The following SEPTIN11 variants were observed in gnomAD, a reference collection of about 807,000 sequenced individuals.
SEPTIN11 encodes the protein septin 11.
In SEPTIN11, 25 loss-of-function variants were observed where a neutral mutation model predicts 51.4. The observed-to-expected ratio is 0.49, with a 90% CI of 0.35 to 0.68. The LOEUF (loss-of-function observed/expected upper bound fraction) is 0.68. Among genes scored for constraint, SEPTIN11 ranks in the 30% least tolerant of loss-of-function variants. The pLI, the probability that SEPTIN11 is intolerant of heterozygous loss-of-function variation, is 0.00. For missense variants in SEPTIN11, 381 were observed against 520.8 expected (o/e 0.73, Z 2.61); for synonymous variants, 174 against 184.1 (o/e 0.95, Z 0.44).
At chr4:76,999,885 C>T (rs1724004961) in intron 2 of SEPTIN11, among the ~76,000 whole-genome samples, 1 of 152,200 alleles carries the variant, frequency 6.6e-6, no homozygotes, top group Non-Finnish European at 1.5e-5. Context: ...ACACCTAAAT[C>T]ACTCCTGAAG....
intron 1 of SEPTIN11, among the ~76,000 whole-genome samples, chr4:76,957,585 C>G (rs1721617717): frequency 6.6e-6 from 1 of 152,284 alleles, no homozygotes; most frequent in Non-Finnish European, 1.5e-5. Flanking sequence ...AGTTGGTTAT[C>G]TGAGGAAAAT....
At position 76,980,651 on chromosome 4, in the gene SEPTIN11, A is replaced by G. The variant is rs993885981; in HGVS notation, c.28-15774A>G. 5.9e-5 allele frequency among the ~76,000 whole-genome samples: 9 copies of G among 152,258 alleles called. No individual in the cohort carries two copies. In the South Asian group the frequency reaches 1.9e-3, roughly 32 times the overall value. On this transcript the variant is annotated intron_variant, in intron 1 of 9. Transcript: ENST00000264893. ...GGATTTGAGGCTTGGATTTTTCTCA[A>G]ATTCAAATGGGAAAGTAGTTCTTGT...
intron 7 of SEPTIN11, among the ~76,000 whole-genome samples, chr4:77,022,800 G>T (rs1310823944): frequency 6.6e-6 from 1 of 152,160 alleles, no homozygotes; most frequent in African/African-American, 2.4e-5. Flanking sequence ...TTCAACTCAG[G>T]AATCTGTGGA....
At chr4:77,032,998 T>G (rs982006213) in intron 9 of SEPTIN11, among the ~76,000 whole-genome samples, 1 of 152,186 alleles carries the variant, frequency 6.6e-6, no homozygotes, top group African/African-American at 2.4e-5. Context: ...TCTCATTTAT[T>G]TTGAAGGATA....
intron 7 of SEPTIN11, 75 bp downstream of exon 7, chr4:77,020,745 T>G: frequency 7.2e-7 from 1 of 1,382,956 alleles, no homozygotes; most frequent in Non-Finnish European, 9.9e-7. Context: ...ACAGAAATGC[T>G]TGCTGGATTG....
At chr4:76,986,262 T>A (rs1039241325) in intron 1 of SEPTIN11, among the ~76,000 whole-genome samples, 1 of 151,990 alleles carries the variant, frequency 6.6e-6, no homozygotes, top group Non-Finnish European at 1.5e-5. Context: ...TGCTGCTATT[T>A]GGCGTGAAAA....
intron 1 of SEPTIN11, among the ~76,000 whole-genome samples, chr4:76,955,523 A>T (rs1721523662): frequency 6.6e-6 from 1 of 152,234 alleles, no homozygotes; most frequent in East Asian, 1.9e-4. Context: ...TCAGTTGTGC[A>T]GTGCATTCTT....
At chr4:77,002,417 A>G (rs1466681552) in intron 2 of SEPTIN11, among the ~76,000 whole-genome samples, 1 of 152,244 alleles carries the variant, frequency 6.6e-6, no homozygotes, top group East Asian at 1.9e-4. Context: ...TTCTTAGGGA[A>G]GAAGATGAAA....
At position 77,038,003 on chromosome 4, in the gene SEPTIN11, G is replaced by A. The variant is rs573846436; in HGVS notation, c.*3491G>A. On this transcript the variant is annotated 3_prime_UTR_variant, in exon 10 of 10. Transcript: ENST00000264893. ...GACTGTTTCACATACAAACTATTGG[G>A]TGAGGTTTTTCAGCTGTTACCGACC... 286 of 985,810 alleles carry A rather than the reference G, an allele frequency of 2.9e-4. 1 individual carries two copies. The South Asian group carries it at 5.9e-3, about 20-fold the overall frequency. 61.1% of individuals were successfully genotyped at this position (985,810 alleles called of 1,614,324 possible). A position where few individuals can be genotyped will look rare whatever the true frequency, so the allele number is the denominator to read the frequency against.
intron 1 of SEPTIN11, among the ~76,000 whole-genome samples, chr4:76,974,315 C>T (rs1009942291): frequency 2.6e-5 from 4 of 152,158 alleles, no homozygotes; most frequent in Admixed American, 1.3e-4. Flanking sequence ...ATTTAAAGGT[C>T]AGTGACTCAT....
intron 1 of SEPTIN11, among the ~76,000 whole-genome samples, chr4:76,980,907 G>A (rs1392920418): frequency 1.3e-5 from 2 of 152,166 alleles, no homozygotes; most frequent in East Asian, 3.9e-4. Context: ...CTCTTGCCAA[G>A]CTATAATCTT....
chr4:76,976,842 C>G (rs935288782), intron 1 of SEPTIN11, among the ~76,000 whole-genome samples: 1 of 152,190 alleles, frequency 6.6e-6, no homozygotes, highest in Non-Finnish European at 1.5e-5. Context: ...CCCTTCTCCA[C>G]CCATCTATGT....
At chr4:77,023,695 G>A (rs2109975717) in intron 7 of SEPTIN11, among the ~76,000 whole-genome samples, 1 of 152,186 alleles carries the variant, frequency 6.6e-6, no homozygotes, top group African/African-American at 2.4e-5. Flanking sequence ...CTTTTAAAAG[G>A]GCTCGGCCTT....
At position 76,982,508 on chromosome 4, in the gene SEPTIN11, C is replaced by A. The variant is rs139099017; in HGVS notation, c.28-13917C>A. Among the ~76,000 whole-genome samples the A allele has an allele frequency of 4.4e-3, 672 of 152,320 alleles. 18 individuals are homozygous for A. The highest frequency in any genetic ancestry group is 0.035 in the Admixed American group (533 of 15,304). ...TACAGGCATAAGCCACCACCCCCGGCCCAGATCTTATTTCATCTTACCATA... is the reference window on the plus strand; with the variant it reads ...TACAGGCATAAGCCACCACCCCCGGACCAGATCTTATTTCATCTTACCATA... On this transcript the variant is annotated intron_variant, in intron 1 of 9. Transcript: ENST00000264893.
downstream of SEPTIN11, chr4:77,039,064 C>T (rs1307144375): frequency 7.8e-7 from 1 of 1,287,408 alleles, no homozygotes; most frequent in South Asian, 1.2e-5. Context: ...TCTTTTTTCT[C>T]TTCTGTAGCT....
intron 1 of SEPTIN11, among the ~76,000 whole-genome samples, chr4:76,979,442 G>A (rs1378961079): frequency 6.6e-6 from 1 of 152,190 alleles, no homozygotes; most frequent in Non-Finnish European, 1.5e-5. Flanking sequence ...CCAGTTTAGT[G>A]TATGGGCGGT....
intron 1 of SEPTIN11, among the ~76,000 whole-genome samples, chr4:76,952,626 C>T (rs1188202668): frequency 6.6e-6 from 1 of 152,210 alleles, no homozygotes; most frequent in African/African-American, 2.4e-5. Context: ...AGGTAAGTTT[C>T]TTAAGTGGAT....
At chr4:77,031,436 A>G (rs1726625462) in intron 9 of SEPTIN11, 1 of 152,934 alleles carries the variant, frequency 6.5e-6, no homozygotes, top group South Asian at 2.1e-4. Flanking sequence ...AGTGGCCACT[A>G]GTTTCCTCAA....
At chr4:77,026,791 T>C (rs1006560679) in intron 7 of SEPTIN11, among the ~76,000 whole-genome samples, 16 of 152,222 alleles carry the variant, frequency 1.1e-4, no homozygotes, top group African/African-American at 3.6e-4. Context: ...TCCTCTACCT[T>C]TGGCAATTCT....
Sources: allele counts gnomAD v4.1 joint callset (sites outside exome capture counted in the v4.1 genomes callset), GRCh38; gene constraint gnomAD v4.1.1; transcripts MANE v1.5; gene names NCBI Gene and HGNC (gene_info 2026-07-23, HGNC 2026-07-21).